The following ETV6 variants were observed in gnomAD, a reference collection of about 807,000 sequenced individuals.
The protein encoded by ETV6 is ETS variant transcription factor 6.
Under a neutral mutation model 51.1 loss-of-function variants are expected in ETV6, and 16 were observed. The ratio of observed to expected loss-of-function variants is 0.31; its 90% CI spans 0.21 to 0.48. The LOEUF (loss-of-function observed/expected upper bound fraction) is 0.48. Among genes scored for constraint, ETV6 ranks in the 20% least tolerant of loss-of-function variants. The probability of loss-of-function intolerance (pLI) is 0.99; values close to 1 mark genes in which losing one functional copy is unlikely to be tolerated. For synonymous variants in ETV6, 240 were observed against 224.1 expected (o/e 1.07, Z -0.64); for missense variants, 458 against 594.8 (o/e 0.77, Z 2.39).
At chr12:11,883,363 G>A (rs867625687) in intron 5 of ETV6, among the ~76,000 whole-genome samples, 7 of 135,518 alleles carry the variant, frequency 5.2e-5, no homozygotes, top group Non-Finnish European at 7.6e-5. Context: ...GTGCGATCTC[G>A]ACTTACTGCA....
chr12:11,893,904 C>G lies in ETV6; in HGVS notation c.*2858C>G, dbSNP rs1947348712. On this transcript the variant is annotated 3_prime_UTR_variant, in exon 8 of 8. Transcript: ENST00000396373. Reference sequence around the variant, plus strand: ...AAAAAAAACATTTAAAAATCCGAGACCCAGAACACTTCTGGTCCCAAGCAT... The same window carrying G: ...AAAAAAAACATTTAAAAATCCGAGAGCCAGAACACTTCTGGTCCCAAGCAT... 5.1e-6 allele frequency: 1 copy of G among 196,914 alleles called. No individual in the cohort carries two copies. The highest frequency in any genetic ancestry group is 1.0e-5 in the Non-Finnish European group (1 of 97,174). 12.2% of individuals were successfully genotyped at this position (196,914 alleles called of 1,614,324 possible). A position where few individuals can be genotyped will look rare whatever the true frequency, so the allele number is the denominator to read the frequency against.
chr12:11,867,220 G>C (rs1946801999), intron 4 of ETV6, among the ~76,000 whole-genome samples: 1 of 152,120 alleles, frequency 6.6e-6, no homozygotes, highest in Admixed American at 6.5e-5. Context: ...CTCTGCTATT[G>C]TTGAACTGAA....
In ETV6 at chr12:11,846,481, G is replaced by A. The variant is rs185864289; in HGVS notation, c.329-6946G>A. On this transcript the variant is annotated intron_variant, in intron 3 of 7. Coordinates refer to ENST00000396373, the MANE Select transcript of ETV6 (RefSeq NM_001987.5). The stretch of plus-strand genomic sequence containing the variant: ...CTCTAGGTAGCATTGCAGATGATGC[G>A]AAACATTGATTCCAGCCTTCTGAGA... Among the ~76,000 whole-genome samples the A allele has an allele frequency of 4.6e-5, 7 of 152,256 alleles. No individual in the cohort carries two copies. The East Asian group carries it at 5.8e-4, about 13-fold the overall frequency.
intron 2 of ETV6, among the ~76,000 whole-genome samples, chr12:11,806,095 A>T (rs1326151736): frequency 1.3e-5 from 2 of 152,166 alleles, no homozygotes. Context: ...AAAAATATGA[A>T]ATTCACATGA....
chr12:11,680,072 C>T (rs1476644631), intron 1 of ETV6, among the ~76,000 whole-genome samples: 3 of 152,198 alleles, frequency 2.0e-5, no homozygotes, highest in Non-Finnish European at 4.4e-5. Context: ...TGATAGTTCT[C>T]TGGCTATAAG....
intron 2 of ETV6, among the ~76,000 whole-genome samples, chr12:11,832,762 T>C (rs1946263073): frequency 6.6e-6 from 1 of 152,262 alleles, no homozygotes; most frequent in South Asian, 2.1e-4. Context: ...GTTGCTTTCA[T>C]GGATGAGCTT....
At chr12:11,761,865 G>T (rs1234948319) in intron 2 of ETV6, among the ~76,000 whole-genome samples, 2 of 152,224 alleles carry the variant, frequency 1.3e-5, no homozygotes, top group Non-Finnish European at 2.9e-5. Flanking sequence ...TTCCAGAAGA[G>T]AAACACAAGG....
chr12:11,830,316 T>C (rs1349920420), intron 2 of ETV6, among the ~76,000 whole-genome samples: 1 of 152,234 alleles, frequency 6.6e-6, no homozygotes, highest in Non-Finnish European at 1.5e-5. Context: ...AAGGGGCTTT[T>C]ACATCCATTA....
At chr12:11,819,390 C>T (rs768598427) in intron 2 of ETV6, among the ~76,000 whole-genome samples, 2 of 152,208 alleles carry the variant, frequency 1.3e-5, no homozygotes, top group Non-Finnish European at 2.9e-5. Flanking sequence ...TTGCCTGCTG[C>T]CTAAATGTTT....
At chr12:11,851,087 C>T (rs887473841) in intron 3 of ETV6, among the ~76,000 whole-genome samples, 4 of 152,144 alleles carry the variant, frequency 2.6e-5, no homozygotes, top group African/African-American at 4.8e-5. Flanking sequence ...GGACTCCCAC[C>T]GAGGCAGCCG....
chr12:11,825,093 C>A (rs1473538270), intron 2 of ETV6, among the ~76,000 whole-genome samples: 7 of 152,130 alleles, frequency 4.6e-5, no homozygotes. Flanking sequence ...TAGAACAATT[C>A]AAAACCCTAC....
At chr12:11,692,311 C>G (rs1864782594) in intron 1 of ETV6, among the ~76,000 whole-genome samples, 1 of 152,090 alleles carries the variant, frequency 6.6e-6, no homozygotes, top group East Asian at 1.9e-4. Context: ...GCGTGAAAGC[C>G]CTCTCCAGAT....
In ETV6 at chr12:11,893,784, A is replaced by C. The variant is rs1196331117; in HGVS notation, c.*2738A>C. The C allele has an allele frequency of 6.6e-6, 1 of 150,460 alleles. No homozygotes were observed. The highest frequency in any genetic ancestry group is 3.0e-5 in the African/African-American group (1 of 33,674). 9.3% of individuals were successfully genotyped at this position (150,460 alleles called of 1,614,324 possible). A position where few individuals can be genotyped will look rare whatever the true frequency, so the allele number is the denominator to read the frequency against. ...TTTAGACTTTGTGTCCATCCCCAAG[A>C]TCTCTCATTTTATATATATATATAT... On this transcript the variant is annotated 3_prime_UTR_variant, in exon 8 of 8. Transcript: ENST00000396373.
intron 2 of ETV6, among the ~76,000 whole-genome samples, chr12:11,809,837 T>G (rs937001599): frequency 7.4e-5 from 10 of 135,548 alleles, no homozygotes; most frequent in African/African-American, 2.8e-4. Flanking sequence ...TTTTTTTTTT[T>G]TGGAGAGAGT....
chr12:11,712,722 C>G (rs557858468), intron 1 of ETV6, among the ~76,000 whole-genome samples: 1 of 152,160 alleles, frequency 6.6e-6, no homozygotes, highest in Non-Finnish European at 1.5e-5. Context: ...GGAGGGCAAT[C>G]TGCTTCACTC....
Position 11,883,276 on chromosome 12 carries a change from C to CTTTTTTTTT in ETV6, c.1010-1142_1010-1134dup, listed in dbSNP as rs547786286. On this transcript the variant is annotated intron_variant, in intron 5 of 7. Transcript: ENST00000396373. ...GGGAAGGTGTACATCATGTCTTCTTCTTTTTTTTTTTTTTTTTTTTTTTTT... is the reference window on the plus strand; with the variant it reads ...GGGAAGGTGTACATCATGTCTTCTTCTTTTTTTTTTTTTTTTTTTTTTTTTTTTTTTTTT... 7.5e-4 allele frequency among the ~76,000 whole-genome samples: 59 copies of CTTTTTTTTT among 79,086 alleles called. 2 individuals are homozygous for CTTTTTTTTT. Among genetic ancestry groups the CTTTTTTTTT allele is most frequent in the East Asian group, 3.1e-3 (8 of 2,586 alleles). 51.9% of individuals were successfully genotyped at this position (79,086 alleles called of 152,430 possible).
At position 11,892,210 on chromosome 12, in the gene ETV6, A is replaced by ATTT. The variant is rs35812814; in HGVS notation, c.*1185_*1187dup. On this transcript the variant is annotated 3_prime_UTR_variant, in exon 8 of 8. Transcript: ENST00000396373. ...GTGGTCAGTTTCATGCCCTCACCTGATTTTTTTTTTTTTTTTTTTTTTTCA... is the reference window on the plus strand; with the variant it reads ...GTGGTCAGTTTCATGCCCTCACCTGATTTTTTTTTTTTTTTTTTTTTTTTTTCA... 3.9e-3 allele frequency: 590 copies of ATTT among 153,218 alleles called. 2 individuals are homozygous for ATTT. The highest frequency in any genetic ancestry group is 8.7e-3 in the Admixed American group (81 of 9,294). 9.5% of individuals were successfully genotyped at this position (153,218 alleles called of 1,614,324 possible). A position where few individuals can be genotyped will look rare whatever the true frequency, so the allele number is the denominator to read the frequency against.
At chr12:11,677,152 G>A (rs1481399048) in intron 1 of ETV6, among the ~76,000 whole-genome samples, 1 of 152,180 alleles carries the variant, frequency 6.6e-6, no homozygotes, top group Admixed American at 6.5e-5. Context: ...AGGACACTGT[G>A]GCTCTCTGGA....
intron 3 of ETV6, among the ~76,000 whole-genome samples, chr12:11,843,046 TGA>T (rs1292461193): frequency 3.9e-5 from 6 of 152,212 alleles, no homozygotes; most frequent in Admixed American, 3.3e-4. Context: ...TAGAATTTTA[TGA>T]GCTGGGGATA....
Sources: allele counts gnomAD v4.1 joint callset (sites outside exome capture counted in the v4.1 genomes callset), GRCh38; gene constraint gnomAD v4.1.1; transcripts MANE v1.5; gene names NCBI Gene and HGNC (gene_info 2026-07-23, HGNC 2026-07-21).